The following ITPR1 variants were observed in gnomAD, a reference collection of about 807,000 sequenced individuals.
ITPR1 encodes inositol 1,4,5-trisphosphate-gated calcium channel ITPR1.
Under a neutral mutation model 318.4 loss-of-function variants are expected in ITPR1, and 96 were observed. The ratio of observed to expected loss-of-function variants is 0.30; its 90% CI spans 0.26 to 0.36. ITPR1 has a LOEUF of 0.36. ITPR1 is among the 10% of genes least tolerant of loss of function. ITPR1 has a pLI of 1.00. For missense variants in ITPR1, 2,440 were observed against 3,460.2 expected (o/e 0.71, Z 7.40); for synonymous variants, 1,312 against 1,289.9 (o/e 1.02, Z -0.37).
intron 4 of ITPR1, among the ~76,000 whole-genome samples, chr3:4,529,473 A>G (rs545113722): frequency 3.3e-5 from 5 of 152,316 alleles, no homozygotes; most frequent in Admixed American, 6.5e-5. Flanking sequence ...TCTTTTGGCA[A>G]AGGGTTTTAT....
intron 2 of ITPR1, among the ~76,000 whole-genome samples, chr3:4,509,777 A>C (rs1020179289): frequency 6.6e-6 from 1 of 152,208 alleles, no homozygotes; most frequent in African/African-American, 2.4e-5. Context: ...AGCCTGGGTG[A>C]CAGAGTGAGA....
intron 24 of ITPR1, 103 bp downstream of exon 24, chr3:4,676,904 A>G: frequency 4.8e-6 from 4 of 824,776 alleles, no homozygotes; most frequent in Non-Finnish European, 7.5e-6. Flanking sequence ...TGGGAAGAAA[A>G]TGGGGGCAAA....
intron 37 of ITPR1, among the ~76,000 whole-genome samples, chr3:4,706,801 T>C (rs1470604748): frequency 2.0e-5 from 3 of 152,220 alleles, no homozygotes; most frequent in Non-Finnish European, 2.9e-5. Context: ...CCAGCTAGAT[T>C]ATTTACCTTT....
chr3:4,687,159 T>A (rs4684439), intron 30 of ITPR1, among the ~76,000 whole-genome samples: 62,638 of 152,068 alleles, frequency 0.41, 14,735 homozygotes, highest in Non-Finnish European at 0.55. Flanking sequence ...CTAGGAATGG[T>A]TATTACATTT....
intron 4 of ITPR1, among the ~76,000 whole-genome samples, chr3:4,571,310 T>C (rs767859872): frequency 6.6e-6 from 1 of 152,086 alleles, no homozygotes; most frequent in Non-Finnish European, 1.5e-5. Context: ...TTTCACTTCT[T>C]TTTCTTTTTT....
At chr3:4,555,157 CAA>C (rs1187478891) in intron 4 of ITPR1, among the ~76,000 whole-genome samples, 1 of 152,132 alleles carries the variant, frequency 6.6e-6, no homozygotes, top group African/African-American at 2.4e-5. Context: ...ATCCCATAAT[CAA>C]AGTCAGGGTA....
At position 4,768,524 on chromosome 3, in the gene ITPR1, A is replaced by G. The variant is rs534131919; in HGVS notation, c.5739A>G (p.Thr1913=). 2.0e-5 allele frequency: 32 copies of G among 1,609,810 alleles called. No homozygotes were observed. Among genetic ancestry groups the G allele is most frequent in the African/African-American group, 1.1e-4 (8 of 74,888 alleles). The part of the protein sequence containing the change: ...APSRKKAKEP[T]TQITEEVRDQ... ...CTTGCTTTCTAGCTAAAGAGCCCACAACACAGATAACAGAAGAGGTCCGGG... is the reference window on the plus strand; with the variant it reads ...CTTGCTTTCTAGCTAAAGAGCCCACGACACAGATAACAGAAGAGGTCCGGG... Residue 1913 remains threonine, a synonymous_variant, in exon 46 of 62, where the codon ACA becomes ACG. Transcript: ENST00000649015.
intron 44 of ITPR1, among the ~76,000 whole-genome samples, chr3:4,738,984 C>G (rs918171783): frequency 1.3e-5 from 2 of 152,232 alleles, no homozygotes; most frequent in Non-Finnish European, 2.9e-5. Flanking sequence ...CAGTGTCTCA[C>G]AGGAGGCCGA....
chr3:4,757,083 C>A (rs1285052223), intron 44 of ITPR1, among the ~76,000 whole-genome samples: 1 of 152,118 alleles, frequency 6.6e-6, no homozygotes, highest in African/African-American at 2.4e-5. Flanking sequence ...GTAAATTGCC[C>A]ACAATCACAT....
chr3:4,691,778 C>A (rs2094482706), intron 32 of ITPR1, among the ~76,000 whole-genome samples: 2 of 152,150 alleles, frequency 1.3e-5, no homozygotes, highest in South Asian at 4.1e-4. Flanking sequence ...CAAGGAAAAG[C>A]CTTACTTGGT....
intron 4 of ITPR1, among the ~76,000 whole-genome samples, chr3:4,613,844 C>T (rs2092272047): frequency 1.3e-5 from 2 of 152,018 alleles, no homozygotes; most frequent in South Asian, 2.1e-4. Flanking sequence ...ATGCACACGC[C>T]TTAAATGTAT....
At position 4,642,260 on chromosome 3, in the gene ITPR1, G is replaced by A. The variant is rs573607286; in HGVS notation, c.525+9G>A. On this transcript the variant is annotated intron_variant, in intron 7 of 61. Transcript: ENST00000649015. Reference sequence around the variant, plus strand: ...GATCCATTGGAGACAGCGTAAGTGCGGATTCTCCACCTAGAAAGTCTTCCG... The same window carrying A: ...GATCCATTGGAGACAGCGTAAGTGCAGATTCTCCACCTAGAAAGTCTTCCG... 1.1e-4 allele frequency: 165 copies of A among 1,512,764 alleles called. 3 individuals carry two copies. In the South Asian group the frequency reaches 1.5e-3, roughly 14 times the overall value. The allele number at this position is 1,512,764 out of a possible 1,614,324, so 93.7% of individuals were successfully genotyped here. A position where few individuals can be genotyped will look rare whatever the true frequency, so the allele number is the denominator to read the frequency against.
At chr3:4,553,650 G>GCATGTGCAGTGCCATGCC (rs1359504012) in intron 4 of ITPR1, among the ~76,000 whole-genome samples, 5 of 148,150 alleles carry the variant, frequency 3.4e-5, no homozygotes, top group Non-Finnish European at 7.4e-5. Context: ...GCCCAGGCTG[G>GCATGTGCAGTGCCATGCC]AGTGCAATGG....
intron 4 of ITPR1, among the ~76,000 whole-genome samples, chr3:4,600,735 G>A (rs1250475227): frequency 6.6e-6 from 1 of 152,114 alleles, no homozygotes; most frequent in Admixed American, 6.5e-5. Context: ...TGGGAGGTCA[G>A]GATTGGGTCA....
At chr3:4,639,858 G>A (rs918850388) in intron 6 of ITPR1, among the ~76,000 whole-genome samples, 1 of 152,152 alleles carries the variant, frequency 6.6e-6, no homozygotes, top group Non-Finnish European at 1.5e-5. Context: ...GCTGCTCCCA[G>A]GAGGTAATAA....
chr3:4,639,618 G>C, intron 6 of ITPR1, 148 bp downstream of exon 6: 1 of 651,010 alleles, frequency 1.5e-6, no homozygotes, highest in South Asian at 1.8e-5. Flanking sequence ...AGTGTTTCTT[G>C]TTAGATGTGA....
chr3:4,840,058 T>TTTTTTA (rs2051227332), intron 61 of ITPR1, among the ~76,000 whole-genome samples: 3 of 134,148 alleles, frequency 2.2e-5, no homozygotes, highest in Admixed American at 7.4e-5. Context: ...TTTTTTTTTT[T>TTTTTTA]GAGGGGGCAG....
At chr3:4,587,307 T>C (rs1007226720) in intron 4 of ITPR1, among the ~76,000 whole-genome samples, 2 of 140,968 alleles carry the variant, frequency 1.4e-5, no homozygotes, top group African/African-American at 5.4e-5. Context: ...AGAATCTTGG[T>C]CTGTTGCCCA....
intron 18 of ITPR1, among the ~76,000 whole-genome samples, chr3:4,668,205 G>A (rs546883642): frequency 6.9e-5 from 10 of 144,656 alleles, no homozygotes; most frequent in Non-Finnish European, 1.0e-4. Context: ...GGTCTTATTC[G>A]TTCTTTCTAT....
Sources: gnomAD v4.1 joint callset for allele counts (sites outside exome capture counted in the v4.1 genomes callset) on GRCh38, gnomAD v4.1.1 for gene constraint, MANE v1.5 for transcripts, NCBI Gene and HGNC (gene_info 2026-07-23, HGNC 2026-07-21) for gene names.